CACNA2D3: variants seen among roughly 807,000 people sequenced by gnomAD.
CACNA2D3 encodes the protein voltage-dependent calcium channel subunit alpha-2/delta-3.
A neutral mutation model predicts 160.6 loss-of-function variants in CACNA2D3; 60 were observed. That is an observed-to-expected ratio of 0.37 (90% confidence interval 0.30 to 0.46). The LOEUF is 0.46. Among genes scored for constraint, CACNA2D3 ranks in the 20% least tolerant of loss-of-function variants. The pLI, the probability that CACNA2D3 is intolerant of heterozygous loss-of-function variation, is 1.00. For synonymous variants in CACNA2D3, 558 were observed against 492.9 expected, an observed-to-expected ratio of 1.13 and a Z score of -1.75; for missense variants, 1,205 against 1,365.0, an observed-to-expected ratio of 0.88 and a Z score of 1.85.
intron 27 of CACNA2D3, among the ~76,000 whole-genome samples, chr3:54,900,410 C>G (rs1276024461): frequency 6.6e-6 from 1 of 152,096 alleles, no homozygotes; most frequent in Non-Finnish European, 1.5e-5. Context: ...CAAAGAAGTC[C>G]CGTTTCTGGC....
At chr3:54,182,332 A>T (rs556613015) in intron 2 of CACNA2D3, among the ~76,000 whole-genome samples, 105 of 152,316 alleles carry the variant, frequency 6.9e-4, no homozygotes, top group African/African-American at 2.5e-3. Context: ...CTCACTTGAT[A>T]ATGAGTTTTT....
chr3:54,945,810 T>C (rs1264650406), intron 27 of CACNA2D3, among the ~76,000 whole-genome samples: 1 of 152,188 alleles, frequency 6.6e-6, no homozygotes, highest in African/African-American at 2.4e-5. Context: ...AGGCAGGGTT[T>C]GCAGCATGCA....
intron 27 of CACNA2D3, among the ~76,000 whole-genome samples, chr3:54,942,358 C>T (rs187619825): frequency 6.6e-6 from 1 of 152,330 alleles, no homozygotes; most frequent in East Asian, 1.9e-4. Flanking sequence ...CTGCCATCCC[C>T]TCCCACAGTG....
chr3:54,606,231 G>T (rs1559524875), intron 9 of CACNA2D3, among the ~76,000 whole-genome samples: 2 of 151,874 alleles, frequency 1.3e-5, no homozygotes. Context: ...TACTTTTCAG[G>T]GGCTGGAGAG....
intron 27 of CACNA2D3, chr3:54,925,073 A>G (rs1016830754): frequency 1.2e-6 from 2 of 1,614,004 alleles, no homozygotes; most frequent in Non-Finnish European, 1.7e-6. Context: ...TTCGAGTCTG[A>G]GGAGGTAAAT....
intron 2 of CACNA2D3, among the ~76,000 whole-genome samples, chr3:54,213,477 G>A (rs935269973): frequency 6.6e-6 from 1 of 152,132 alleles, no homozygotes; most frequent in African/African-American, 2.4e-5. Flanking sequence ...GCGGCTCATC[G>A]TCCTTTACTG....
At chr3:54,491,233 C>A (rs149362355) in intron 4 of CACNA2D3, among the ~76,000 whole-genome samples, 1 of 152,096 alleles carries the variant, frequency 6.6e-6, no homozygotes, top group South Asian at 2.1e-4. Flanking sequence ...AGCTCAGGTG[C>A]GCCTCTTAGG....
At chr3:54,226,230 A>C (rs573871656) in intron 2 of CACNA2D3, among the ~76,000 whole-genome samples, 2 of 151,924 alleles carry the variant, frequency 1.3e-5, no homozygotes, top group African/African-American at 4.8e-5. Flanking sequence ...TGTCCCAGGT[A>C]AATATCAAAC....
chr3:54,731,932 A>G (rs1438811284), intron 11 of CACNA2D3, among the ~76,000 whole-genome samples: 3 of 152,102 alleles, frequency 2.0e-5, no homozygotes, highest in Admixed American at 6.6e-5. Context: ...GGGTTCCTTC[A>G]GTGTCAAGGC....
Position 54,984,669 on chromosome 3 carries a change from A to T in CACNA2D3, c.2618A>T (p.Gln873Leu). The T allele has an allele frequency of 6.4e-7, 1 of 1,554,296 alleles. No individual in the cohort carries two copies. Among genetic ancestry groups the T allele is most frequent in the Non-Finnish European group, 8.7e-7 (1 of 1,143,300 alleles). ...GFILVSEDYT[Q>L]TGDFFGEIEG... The stretch of plus-strand genomic sequence containing the variant: ...ATTTTGGTGTCTGAAGACTACACAC[A>T]GGTGAGTGAAAATTTTCTACCAGCT... The change falls in exon 30 of 38, where the codon CAG becomes CTG. Residue 873 changes from glutamine to leucine, a missense_variant and splice_region_variant. By Grantham distance (113) the Gln-to-Leu change is moderately radical. Coordinates refer to ENST00000474759, the MANE Select transcript of CACNA2D3 (RefSeq NM_018398.3).
chr3:54,885,008 C>T (rs1324980000), intron 21 of CACNA2D3, among the ~76,000 whole-genome samples: 1 of 152,138 alleles, frequency 6.6e-6, no homozygotes, highest in African/African-American at 2.4e-5. Flanking sequence ...ATTTGTGTAT[C>T]CTCTATCTTC....
intron 2 of CACNA2D3, among the ~76,000 whole-genome samples, chr3:54,305,900 A>G (rs963061179): frequency 2.0e-5 from 3 of 152,178 alleles, no homozygotes; most frequent in Non-Finnish European, 4.4e-5. Context: ...CTGTGATGTC[A>G]TGGTTGATGT....
chr3:54,453,822 C>A (rs751556385), intron 4 of CACNA2D3, among the ~76,000 whole-genome samples: 1 of 152,190 alleles, frequency 6.6e-6, no homozygotes, highest in Non-Finnish European at 1.5e-5. Flanking sequence ...TGGGCCCTCC[C>A]ATTATTAGTT....
intron 8 of CACNA2D3, among the ~76,000 whole-genome samples, chr3:54,573,957 C>G (rs1323064395): frequency 6.6e-6 from 1 of 152,120 alleles, no homozygotes. Flanking sequence ...TTAAAATGGT[C>G]ACTTGTCTCC....
At chr3:55,017,469 A>G (rs1045382830) in intron 34 of CACNA2D3, among the ~76,000 whole-genome samples, 2 of 151,984 alleles carry the variant, frequency 1.3e-5, no homozygotes, top group East Asian at 3.9e-4. Context: ...TTTACTTAAC[A>G]CTCATTATGT....
intron 4 of CACNA2D3, among the ~76,000 whole-genome samples, chr3:54,492,510 GC>G (rs1357126176): frequency 6.6e-6 from 1 of 152,150 alleles, no homozygotes; most frequent in Non-Finnish European, 1.5e-5. Context: ...GCTTTCCCTG[GC>G]CTCACCCGGC....
chr3:54,254,918 C>T (rs1702266019), intron 2 of CACNA2D3, among the ~76,000 whole-genome samples: 1 of 152,180 alleles, frequency 6.6e-6, no homozygotes, highest in Non-Finnish European at 1.5e-5. Context: ...ATCTTCCTGT[C>T]CTCCAGCCCC....
At chr3:54,170,917 G>A (rs1700550357) in intron 2 of CACNA2D3, among the ~76,000 whole-genome samples, 2 of 151,954 alleles carry the variant, frequency 1.3e-5, no homozygotes, top group South Asian at 2.1e-4. Flanking sequence ...AATGACAGGT[G>A]GAGTAATTTT....
At chr3:54,864,985 A>G (rs1699368095) in intron 17 of CACNA2D3, among the ~76,000 whole-genome samples, 1 of 152,220 alleles carries the variant, frequency 6.6e-6, no homozygotes, top group Non-Finnish European at 1.5e-5. Flanking sequence ...CGCTGTTAGC[A>G]CAAAGCCTGG....
Sources: allele counts gnomAD v4.1 joint callset (sites outside exome capture counted in the v4.1 genomes callset), GRCh38; gene constraint gnomAD v4.1.1; transcripts MANE v1.5; gene names NCBI Gene and HGNC (gene_info 2026-07-23, HGNC 2026-07-21).